Variants in PXT1 observed in about 807,000 individuals in gnomAD.
The protein encoded by PXT1 is peroxisomal testis enriched protein 1, also known as peroxisomal testis-specific protein 1.
Under a neutral mutation model 11.0 loss-of-function variants are expected in PXT1, and 11 were observed. That is an observed-to-expected ratio of 1.00 (90% CI 0.63 to 1.66). PXT1 has a LOEUF of 1.66. Among genes scored for constraint, PXT1 ranks in the 40% most tolerant of loss-of-function variants. PXT1 has a pLI of 0.00. For missense variants in PXT1, 141 were observed against 155.5 expected, an observed-to-expected ratio of 0.91 and a Z score of 0.49; for synonymous variants, 43 against 51.4, an observed-to-expected ratio of 0.84 and a Z score of 0.70.
At chr6:36,435,092 A>AG (rs1774742846) in intron 2 of PXT1, among the ~76,000 whole-genome samples, 1 of 147,904 alleles carries the variant, frequency 6.8e-6, no homozygotes, top group South Asian at 2.1e-4. Flanking sequence ...AGAATTCCAG[A>AG]AAAAAAAAAG....
At chr6:36,420,788 C>T (rs7767377) in intron 3 of PXT1, among the ~76,000 whole-genome samples, 41,326 of 152,020 alleles carry the variant, frequency 0.27, 5,726 homozygotes, top group East Asian at 0.39. Context: ...CGTGGTGACT[C>T]ACACTTGTAA....
chr6:36,428,624 AG>A (rs1774642170), intron 2 of PXT1, among the ~76,000 whole-genome samples: 1 of 152,216 alleles, frequency 6.6e-6, no homozygotes, highest in Admixed American at 6.5e-5. Flanking sequence ...TAAACTATCA[AG>A]AATGTTGGAT....
At position 36,432,611 on chromosome 6, in the gene PXT1, G is replaced by A. The variant is rs547270883; in HGVS notation, c.-10+6156C>T. ...AGACTCAGGTATCAGAAGCAGTGAC[G>A]TGCAGAGGGAAGTTAAAGGAAGGGA... On this transcript the variant is annotated intron_variant, in intron 2 of 4. Coordinates refer to ENST00000454782, the MANE Select transcript of PXT1 (RefSeq NM_152990.4). Among the ~76,000 whole-genome samples the A allele has an allele frequency of 1.3e-3, 192 of 152,298 alleles. 1 individual carries two copies. The highest frequency in any genetic ancestry group is 4.1e-3 in the African/African-American group (169 of 41,560).
chr6:36,414,935 A>C (rs1196087007), intron 3 of PXT1, among the ~76,000 whole-genome samples: 1 of 152,228 alleles, frequency 6.6e-6, no homozygotes, highest in African/African-American at 2.4e-5. Flanking sequence ...AATCGCTTTG[A>C]AGATGCAAAT....
At chr6:36,404,000 T>C (rs1336689332) in intron 3 of PXT1, among the ~76,000 whole-genome samples, 1 of 152,162 alleles carries the variant, frequency 6.6e-6, no homozygotes, top group Non-Finnish European at 1.5e-5. Context: ...TCAATAACAA[T>C]GTAGGCGAGA....
chr6:36,421,985 AC>A (rs1375960106), intron 3 of PXT1, among the ~76,000 whole-genome samples: 10 of 152,232 alleles, frequency 6.6e-5, no homozygotes, highest in Non-Finnish European at 1.2e-4. Flanking sequence ...TACTTTGTCT[AC>A]AGCACTTTTA....
intron 1 of PXT1, among the ~76,000 whole-genome samples, chr6:36,440,463 G>A (rs1325578572): frequency 6.6e-6 from 1 of 151,862 alleles, no homozygotes; most frequent in Non-Finnish European, 1.5e-5. Context: ...CCAGCTACTC[G>A]AGAGGCTGAG....
intron 2 of PXT1, among the ~76,000 whole-genome samples, chr6:36,430,911 C>T (rs1352496252): frequency 2.0e-5 from 3 of 152,094 alleles, no homozygotes; most frequent in Non-Finnish European, 4.4e-5. Flanking sequence ...ACCTCCCAGG[C>T]TCAAGCAATT....
At chr6:36,408,923 G>T (rs868493243) in intron 3 of PXT1, among the ~76,000 whole-genome samples, 1 of 151,832 alleles carries the variant, frequency 6.6e-6, no homozygotes, top group Non-Finnish European at 1.5e-5. Flanking sequence ...TCAATGTGTC[G>T]GAACTTTAAA....
intron 3 of PXT1, among the ~76,000 whole-genome samples, chr6:36,406,031 CAT>C (rs1453062989): frequency 6.6e-6 from 1 of 152,206 alleles, no homozygotes; most frequent in Non-Finnish European, 1.5e-5. Flanking sequence ...ATCATTGACA[CAT>C]GACTAGTGTA....
chr6:36,407,660 C>T (rs1582254284), intron 3 of PXT1, among the ~76,000 whole-genome samples: 3 of 151,794 alleles, frequency 2.0e-5, no homozygotes, highest in Admixed American at 6.6e-5. Flanking sequence ...CCTGCCTCCG[C>T]GTCCAAAGTG....
At chr6:36,417,083 C>T (rs973221127) in intron 3 of PXT1, among the ~76,000 whole-genome samples, 6 of 152,300 alleles carry the variant, frequency 3.9e-5, no homozygotes, top group East Asian at 3.9e-4. Flanking sequence ...CAGTGGCTCA[C>T]GCCTGTAATC....
intron 2 of PXT1, among the ~76,000 whole-genome samples, chr6:36,432,105 G>A (rs115406588): frequency 0.014 from 2,081 of 152,156 alleles, 44 homozygotes; most frequent in African/African-American, 0.045. Context: ...GTATATACAG[G>A]TAGATAGATA....
chr6:36,427,128 G>A (rs577732346), intron 2 of PXT1, among the ~76,000 whole-genome samples: 1 of 150,928 alleles, frequency 6.6e-6, no homozygotes, highest in East Asian at 1.9e-4. Context: ...TCACCCTCCC[G>A]AGTAGCTGGG....
intron 1 of PXT1, among the ~76,000 whole-genome samples, 179 bp from the exon 2 acceptor site, chr6:36,439,065 C>T (rs1774815802): frequency 6.6e-6 from 1 of 151,440 alleles, no homozygotes; most frequent in African/African-American, 2.4e-5. Flanking sequence ...GTGGTGCGAT[C>T]CTGGCTCACT....
At chr6:36,424,286 T>C (rs1774569191) in intron 3 of PXT1, among the ~76,000 whole-genome samples, 1 of 152,204 alleles carries the variant, frequency 6.6e-6, no homozygotes, top group Non-Finnish European at 1.5e-5. Flanking sequence ...TCCTAGAAGG[T>C]GTTCATAGGT....
chr6:36,408,277 TA>T (rs1236999756), intron 3 of PXT1, among the ~76,000 whole-genome samples: 1 of 150,246 alleles, frequency 6.7e-6, no homozygotes, highest in Non-Finnish European at 1.5e-5. Context: ...TTTTTTTTTT[TA>T]ATACAGGGTC....
rs571611688 is a variant in PXT1 at position 36,425,747 on chromosome 6, C to T, written c.169+167G>A. Among the ~76,000 whole-genome samples the T allele has an allele frequency of 2.6e-5, 4 of 151,008 alleles. No individual in the cohort carries two copies. In the South Asian group the frequency reaches 8.4e-4, roughly 32 times the overall value. ...AAGTTGCAGAGAGCTGAGATGGCAC[C>T]ACTGCACTTCAGCCTGGGTGACAGA... On this transcript the variant is annotated intron_variant, in intron 3 of 4. Transcript: ENST00000454782.
At chr6:36,414,596 C>T (rs970410894) in intron 3 of PXT1, among the ~76,000 whole-genome samples, 4 of 152,176 alleles carry the variant, frequency 2.6e-5, no homozygotes, top group Non-Finnish European at 5.9e-5. Context: ...AAGGTAAAGT[C>T]ATTCCAGGAC....
Sources: gnomAD v4.1 joint callset for allele counts (sites outside exome capture counted in the v4.1 genomes callset) on GRCh38, gnomAD v4.1.1 for gene constraint, MANE v1.5 for transcripts, NCBI Gene and HGNC (gene_info 2026-07-23, HGNC 2026-07-21) for gene names.